Variants in PCDH7 observed in about 807,000 individuals in gnomAD.
The protein encoded by PCDH7 is protocadherin-7.
Under a neutral mutation model 58.9 loss-of-function variants are expected in PCDH7, and 17 were observed. That is an observed-to-expected ratio of 0.29 (90% CI 0.20 to 0.43). The LOEUF is 0.43. Among genes scored for constraint, PCDH7 ranks in the 20% least tolerant of loss-of-function variants. The pLI is 1.00. For synonymous variants in PCDH7, 664 were observed against 616.4 expected (o/e 1.08, Z -1.14); for missense variants, 1,274 against 1,441.0 (o/e 0.88, Z 1.88).
At chr4:31,050,674 A>G (rs1454623289) in intron 3 of PCDH7, among the ~76,000 whole-genome samples, 4 of 152,104 alleles carry the variant, frequency 2.6e-5, no homozygotes, top group Non-Finnish European at 5.9e-5. Context: ...AGGGATGTGA[A>G]AATTTGTCTT....
At chr4:31,116,292 G>A (rs1578839546) in intron 3 of PCDH7, among the ~76,000 whole-genome samples, 1 of 152,298 alleles carries the variant, frequency 6.6e-6, no homozygotes, top group South Asian at 2.1e-4. Context: ...TACCAAAAGT[G>A]GATTTGGTTA....
intron 3 of PCDH7, among the ~76,000 whole-genome samples, chr4:31,100,081 A>G (rs1714702793): frequency 6.6e-6 from 1 of 152,178 alleles, no homozygotes; most frequent in Admixed American, 6.6e-5. Flanking sequence ...TGTGTTACAT[A>G]AAAACCTCCA....
Position 30,805,362 on chromosome 4 carries a change from G to A in PCDH7, c.70+80766G>A, listed in dbSNP as rs887373530. Among the ~76,000 whole-genome samples, 6 of 152,114 alleles carry A rather than the reference G, an allele frequency of 3.9e-5. No individual in the cohort carries two copies. The East Asian group carries it at 7.7e-4, about 20-fold the overall frequency. ...GTAACCTATTAGCTGGCTGACTAAG[G>A]CAAGTTTCTTAATGTCTGTACTTTA... On this transcript the variant is annotated intron_variant, in intron 1 of 3. Coordinates refer to the PCDH7 transcript ENST00000509759.
intron 1 of PCDH7, among the ~76,000 whole-genome samples, chr4:30,785,229 T>C (rs539559197): frequency 2.0e-5 from 3 of 152,140 alleles, no homozygotes; most frequent in Admixed American, 6.5e-5. Context: ...TACATTACTT[T>C]AAGGTAGTTT....
At chr4:30,988,566 C>A (rs1350763427) in intron 3 of PCDH7, among the ~76,000 whole-genome samples, 2 of 152,134 alleles carry the variant, frequency 1.3e-5, no homozygotes, top group Non-Finnish European at 2.9e-5. Context: ...TATTCAATTT[C>A]TATATTTGTG....
At chr4:30,903,299 C>G (rs1740471128) in intron 1 of PCDH7, among the ~76,000 whole-genome samples, 1 of 152,002 alleles carries the variant, frequency 6.6e-6, no homozygotes, top group African/African-American at 2.4e-5. Flanking sequence ...AAGACAATAG[C>G]TACAGAGATG....
rs149501069 is a variant in PCDH7, at chr4:31,079,309, G to GATATAT, written c.*8-63114_*8-63109dup. Reference sequence around the variant, plus strand: ...GTAAAAGATATTTACAATACTGGAAGATATATATATATATATATATATATA... The same window carrying GATATAT: ...GTAAAAGATATTTACAATACTGGAAGATATATATATATATATATATATATATATATA... On this transcript the variant is annotated intron_variant, in intron 3 of 3. Coordinates refer to the PCDH7 transcript ENST00000509759. Among the ~76,000 whole-genome samples the GATATAT allele has an allele frequency of 6.2e-4, 42 of 67,426 alleles. 1 individual carries two copies. The highest frequency in any genetic ancestry group is 9.7e-4 in the East Asian group (3 of 3,084). 44.2% of individuals were successfully genotyped at this position (67,426 alleles called of 152,430 possible).
intron 1 of PCDH7, among the ~76,000 whole-genome samples, chr4:30,890,873 T>G (rs967180346): frequency 5.9e-5 from 9 of 152,144 alleles, no homozygotes; most frequent in Non-Finnish European, 1.3e-4. Context: ...ATTACTAAGA[T>G]AGGGAATGTG....
chr4:31,001,540 C>CAT (rs1752366063), intron 3 of PCDH7, among the ~76,000 whole-genome samples: 1 of 152,064 alleles, frequency 6.6e-6, no homozygotes, highest in Admixed American at 6.5e-5. Context: ...TGATGACCAT[C>CAT]ATACCCACAC....
chr4:30,876,626 T>G (rs1396479514), intron 1 of PCDH7, among the ~76,000 whole-genome samples: 2 of 152,060 alleles, frequency 1.3e-5, no homozygotes, highest in African/African-American at 4.8e-5. Flanking sequence ...CCTCAGGGAA[T>G]GGGTATTTAA....
At chr4:30,920,000 T>C (rs1245538718) in intron 1 of PCDH7, among the ~76,000 whole-genome samples, 153 bp from the exon 2 acceptor site, 2 of 152,218 alleles carry the variant, frequency 1.3e-5, no homozygotes, top group Non-Finnish European at 2.9e-5. Context: ...CCTTAGATAA[T>C]ACATAGTTAA....
chr4:31,132,466 T>G (rs930170697), intron 3 of PCDH7, among the ~76,000 whole-genome samples: 24 of 152,202 alleles, frequency 1.6e-4, no homozygotes, highest in Admixed American at 2.6e-4. Context: ...AGAATATACA[T>G]TCTACAACTT....
chr4:30,854,359 T>C (rs746092257), intron 1 of PCDH7, among the ~76,000 whole-genome samples: 5 of 150,102 alleles, frequency 3.3e-5, no homozygotes, highest in Non-Finnish European at 5.9e-5. Context: ...CAAAAATGTC[T>C]CCATATAATA....
intron 3 of PCDH7, among the ~76,000 whole-genome samples, chr4:31,106,300 A>T (rs1352913406): frequency 3.3e-5 from 5 of 152,174 alleles, no homozygotes; most frequent in African/African-American, 1.2e-4. Flanking sequence ...AGAAATGGTC[A>T]GCCTTTATAT....
At chr4:31,077,284 C>T (rs1759081309) in intron 3 of PCDH7, among the ~76,000 whole-genome samples, 3 of 151,666 alleles carry the variant, frequency 2.0e-5, no homozygotes, top group Admixed American at 1.3e-4. Context: ...TGGTGCATGC[C>T]TGTAATCCCA....
chr4:31,004,557 A>C (rs1209202813), intron 3 of PCDH7, among the ~76,000 whole-genome samples: 1 of 152,014 alleles, frequency 6.6e-6, no homozygotes, highest in African/African-American at 2.4e-5. Context: ...AAAAAATACA[A>C]AAATTAGCTG....
chr4:30,738,378 T>A (rs895655681), intron 1 of PCDH7, among the ~76,000 whole-genome samples: 1 of 151,818 alleles, frequency 6.6e-6, no homozygotes, highest in Non-Finnish European at 1.5e-5. Context: ...ACCAACCTTA[T>A]GGATCTGTTC....
intron 1 of PCDH7, among the ~76,000 whole-genome samples, chr4:30,914,796 A>C (rs761930828): frequency 1.3e-5 from 2 of 152,202 alleles, no homozygotes; most frequent in Non-Finnish European, 2.9e-5. Flanking sequence ...AGCAAGGGGC[A>C]GTTACTATTG....
At chr4:31,122,316 T>C (rs1374691365) in intron 3 of PCDH7, among the ~76,000 whole-genome samples, 2 of 152,190 alleles carry the variant, frequency 1.3e-5, no homozygotes, top group East Asian at 3.8e-4. Context: ...TGACACTACT[T>C]AATCCAGCCT....
Sources: gnomAD v4.1 joint callset for allele counts (sites outside exome capture counted in the v4.1 genomes callset) on GRCh38, gnomAD v4.1.1 for gene constraint, MANE v1.5 for transcripts, NCBI Gene and HGNC (gene_info 2026-07-23, HGNC 2026-07-21) for gene names.